FAM3C: variants seen among roughly 807,000 people sequenced by gnomAD.
FAM3C encodes protein FAM3C.
Under a neutral mutation model 32.5 loss-of-function variants are expected in FAM3C, and 15 were observed. That is an observed-to-expected ratio of 0.46 (90% CI 0.31 to 0.71). The LOEUF is 0.71. Ranked by LOEUF, FAM3C falls within the 30% of genes least tolerant of loss-of-function variation. FAM3C has a pLI of 0.05. For missense variants in FAM3C, 175 were observed against 274.4 expected (o/e 0.64, Z 2.56); for synonymous variants, 75 against 86.1 (o/e 0.87, Z 0.72).
chr7:121,386,828 T>C (rs868506588), intron 1 of FAM3C, among the ~76,000 whole-genome samples: 13 of 151,910 alleles, frequency 8.6e-5, no homozygotes, highest in Admixed American at 5.3e-4. Context: ...AAAAATGAGA[T>C]AATACTAAAA....
chr7:121,364,392 T>C (rs1014793433), intron 5 of FAM3C: 7 of 467,828 alleles, frequency 1.5e-5, no homozygotes, highest in Non-Finnish European at 2.3e-5. Flanking sequence ...TTAAATAATA[T>C]TTCACAAATA....
At chr7:121,357,789 C>T (rs1793842599) in intron 8 of FAM3C, among the ~76,000 whole-genome samples, 1 of 151,916 alleles carries the variant, frequency 6.6e-6, no homozygotes, top group Non-Finnish European at 1.5e-5. Context: ...TAATGGGCAC[C>T]AAAAAATAGC....
intron 7 of FAM3C, 151 bp from the exon 8 acceptor site, chr7:121,360,278 G>A: frequency 3.6e-6 from 2 of 554,048 alleles, no homozygotes; most frequent in Non-Finnish European, 6.4e-6. Context: ...CTCATAAAGA[G>A]TTTAAAAACT....
At chr7:121,362,758 C>T (rs1297137384) in intron 7 of FAM3C, 139 bp downstream of exon 7, 1 of 634,860 alleles carries the variant, frequency 1.6e-6, no homozygotes, top group South Asian at 2.0e-5. Context: ...TACAGCTGGA[C>T]ATTTAGTGAA....
intron 5 of FAM3C, among the ~76,000 whole-genome samples, chr7:121,368,087 T>A (rs1373962761): frequency 6.6e-6 from 1 of 152,184 alleles, no homozygotes; most frequent in East Asian, 1.9e-4. Flanking sequence ...TTAAAACACA[T>A]CTTTATCAGC....
intron 5 of FAM3C, among the ~76,000 whole-genome samples, chr7:121,369,607 T>A (rs1215238730): frequency 6.6e-6 from 1 of 152,228 alleles, no homozygotes; most frequent in African/African-American, 2.4e-5. Flanking sequence ...TCTCTGGCTC[T>A]AAGCCCAGTA....
intron 2 of FAM3C, among the ~76,000 whole-genome samples, chr7:121,382,472 G>A (rs1794376866): frequency 6.7e-6 from 1 of 149,570 alleles, no homozygotes; most frequent in African/African-American, 2.5e-5. Context: ...CAAGACGCTA[G>A]AACATAGCAA....
chr7:121,389,139 CT>C (rs1794527212), intron 1 of FAM3C, among the ~76,000 whole-genome samples: 1 of 152,146 alleles, frequency 6.6e-6, no homozygotes, highest in Non-Finnish European at 1.5e-5. Context: ...TACCCAAAGA[CT>C]TAGTGTAGGG....
At chr7:121,386,681 ACACACG>A (rs1178824622) in intron 1 of FAM3C, among the ~76,000 whole-genome samples, 7 of 134,604 alleles carry the variant, frequency 5.2e-5, no homozygotes, top group African/African-American at 2.2e-4. Context: ...ACATACACAC[ACACACG>A]CACACATATA....
In FAM3C at chr7:121,359,336, A is replaced by C. The variant is rs184470266; in HGVS notation, c.467+707T>G. On this transcript the variant is annotated intron_variant, in intron 8 of 9. Transcript: ENST00000359943. ...AACAGGTTATAAATCATGACATTTT[A>C]AAAACCAGACTAGGCAGGCATAAAC... is the stretch of plus-strand genomic sequence containing the variant. 9.3e-4 allele frequency among the ~76,000 whole-genome samples: 142 copies of C among 152,190 alleles called. 2 individuals are homozygous for C. Among genetic ancestry groups the C allele is most frequent in the Non-Finnish European group, 1.7e-3 (117 of 67,912 alleles).
intron 8 of FAM3C, among the ~76,000 whole-genome samples, chr7:121,354,328 C>T (rs1368290866): frequency 6.6e-6 from 1 of 152,036 alleles, no homozygotes; most frequent in African/African-American, 2.4e-5. Context: ...AAATTTATGT[C>T]AAATATATTA....
chr7:121,377,758 T>A (rs2952565), intron 3 of FAM3C, among the ~76,000 whole-genome samples: 1 of 152,058 alleles, frequency 6.6e-6, no homozygotes, highest in African/African-American at 2.4e-5. Flanking sequence ...TAAATACTTA[T>A]CATTGTGTTC....
intron 1 of FAM3C, among the ~76,000 whole-genome samples, chr7:121,384,903 T>G (rs1794436059): frequency 6.6e-6 from 1 of 152,192 alleles, no homozygotes; most frequent in African/African-American, 2.4e-5. Context: ...AGCATCTATG[T>G]ATGATGATAA....
chr7:121,378,974 C>A lies in FAM3C; in HGVS notation c.54G>T (p.Leu18=), dbSNP rs1794296366. 6.3e-7 allele frequency: 1 copy of A among 1,576,580 alleles called. No individual in the cohort carries two copies. ...KLVVAVAVFL[L]TFYVISQVFE... ...ATACTTGAGAAATAACATAAAATGT[C>A]AGTAAAAACACTGCCACAGCTACCA... Residue 18 remains leucine (L), a synonymous_variant, in exon 3 of 10, where the codon CTG becomes CTT. Transcript: ENST00000359943.
Position 121,390,853 on chromosome 7 carries a change from CGGGGGGGGGGGG to C in FAM3C, c.-42+5297_-42+5308del, listed in dbSNP as rs58750532. ...CACACACAGGAAAGGCTGTGTGGGG[CGGGGGGGGGGGG>C]GGGGGGGAAGGTAAGGCAGATCTAA... is the stretch of plus-strand genomic sequence containing the variant. On this transcript the variant is annotated intron_variant, in intron 1 of 9. Transcript: ENST00000359943. Among the ~76,000 whole-genome samples, 9 of 7,438 alleles carry C rather than the reference CGGGGGGGGGGGG, an allele frequency of 1.2e-3. 3 individuals carry two copies. The highest frequency in any genetic ancestry group is 9.9e-3 in the South Asian group (2 of 202). The allele number at this position is 7,438 out of a possible 152,430, so 4.9% of individuals were successfully genotyped here.
chr7:121,383,127 T>C (rs1300522203), intron 1 of FAM3C, 117 bp from the exon 2 acceptor site: 3 of 544,950 alleles, frequency 5.5e-6, no homozygotes, highest in East Asian at 3.2e-5. Context: ...CTAAGTATTA[T>C]GCCAACATTG....
At chr7:121,363,042 T>C (rs1034742350) in intron 6 of FAM3C, 95 bp from the exon 7 acceptor site, 3 of 631,362 alleles carry the variant, frequency 4.8e-6, no homozygotes, top group Non-Finnish European at 8.4e-6. Context: ...GTGAATTCAT[T>C]AGCAGAGAAG....
intron 5 of FAM3C, among the ~76,000 whole-genome samples, chr7:121,367,289 C>T (rs2254591): frequency 0.26 from 38,867 of 152,028 alleles, 5,961 homozygotes; most frequent in African/African-American, 0.44. Context: ...TACTTCATGT[C>T]CTAGTTATTA....
chr7:121,378,933 T>C lies in FAM3C; in HGVS notation c.95A>G (p.Asp32Gly), dbSNP rs749522040. Residue 32 changes from aspartate (D) to glycine (G), a missense_variant, in exon 3 of 10, where the codon GAT becomes GGT. Coordinates refer to ENST00000359943, the MANE Select transcript of FAM3C (RefSeq NM_014888.3). ...ACCAAATAGATTTCCTAAACTTGCA[T>C]CCATTTTTATTTCAAATACTTGAGA... ...VISQVFEIKM[D>G]ASLGNLFARS... 2.6e-6 allele frequency: 4 copies of C among 1,526,302 alleles called. No homozygotes were observed. Among genetic ancestry groups the C allele is most frequent in the South Asian group, 2.5e-5 (2 of 79,684 alleles). 94.5% of individuals were successfully genotyped at this position (1,526,302 alleles called of 1,614,324 possible).
Sources: allele counts gnomAD v4.1 joint callset (sites outside exome capture counted in the v4.1 genomes callset), GRCh38; gene constraint gnomAD v4.1.1; transcripts MANE v1.5; gene names NCBI Gene and HGNC (gene_info 2026-07-23, HGNC 2026-07-21).